IGF1R: variants seen among roughly 807,000 people sequenced by gnomAD.
IGF1R encodes the protein insulin-like growth factor 1 receptor.
IGF1R carries 44 observed loss-of-function variants against 144.6 expected under a neutral mutation model. The observed-to-expected ratio is 0.30, with a 90% CI of 0.24 to 0.39. The LOEUF (loss-of-function observed/expected upper bound fraction) is 0.39, where lower values mean the gene tolerates loss of function less well. Among genes scored for constraint, IGF1R ranks in the 10% least tolerant of loss-of-function variants. The pLI, the probability that IGF1R is intolerant of heterozygous loss-of-function variation, is 1.00. For missense variants in IGF1R, 1,355 were observed against 1,833.7 expected (o/e 0.74, Z 4.77); for synonymous variants, 795 against 722.8 (o/e 1.10, Z -1.60).
chr15:98,760,955 A>G (rs1015340320), intron 2 of IGF1R, among the ~76,000 whole-genome samples: 1 of 152,278 alleles, frequency 6.6e-6, no homozygotes. Context: ...TCAAAGTGAC[A>G]TATATACTGA....
intron 2 of IGF1R, among the ~76,000 whole-genome samples, chr15:98,874,056 A>G (rs1326477332): frequency 2.6e-5 from 4 of 152,166 alleles, no homozygotes; most frequent in Non-Finnish European, 1.5e-5. Context: ...TAGAAATTTC[A>G]AAGGATGGGG....
At chr15:98,930,097 G>A (rs997939728) in intron 14 of IGF1R, 138 bp from the exon 15 acceptor site, 12 of 723,400 alleles carry the variant, frequency 1.7e-5, no homozygotes, top group South Asian at 1.2e-4. Flanking sequence ...AAGAGCTGCT[G>A]TAGACAGTAA....
At chr15:98,915,847 T>G in intron 8 of IGF1R, 117 bp from the exon 9 acceptor site, 1 of 901,166 alleles carries the variant, frequency 1.1e-6, no homozygotes, top group Non-Finnish European at 1.9e-6. Flanking sequence ...TCATTGTTCA[T>G]TGTTATTTTC....
At position 98,960,879 on chromosome 15, in the gene IGF1R, G is replaced by T; in HGVS notation, c.*3437G>T. The T allele has an allele frequency of 8.5e-6, 2 of 233,938 alleles. No individual in the cohort carries two copies. Among genetic ancestry groups the T allele is most frequent in the East Asian group, 1.2e-4 (2 of 16,588 alleles). The allele number at this position is 233,938 out of a possible 1,614,324, so 14.5% of individuals were successfully genotyped here. On this transcript the variant is annotated 3_prime_UTR_variant, in exon 21 of 21. Transcript: ENST00000650285. Reference sequence around the variant, plus strand: ...AACCTTCCGGCTGGAAAGCCCAGTGGCCGGCGCCGAGGCTCGTGGCGTCAC... The same window carrying T: ...AACCTTCCGGCTGGAAAGCCCAGTGTCCGGCGCCGAGGCTCGTGGCGTCAC...
chr15:98,892,239 G>A (rs180864478), intron 3 of IGF1R, among the ~76,000 whole-genome samples: 31 of 152,158 alleles, frequency 2.0e-4, no homozygotes, highest in African/African-American at 7.2e-4. Flanking sequence ...TGAACTTTGA[G>A]ACTTCACTTG....
intron 10 of IGF1R, among the ~76,000 whole-genome samples, chr15:98,920,110 A>G (rs915153299): frequency 2.0e-5 from 3 of 152,226 alleles, no homozygotes; most frequent in African/African-American, 4.8e-5. Context: ...TAAAATGTTG[A>G]CAGATGTTGG....
intron 2 of IGF1R, among the ~76,000 whole-genome samples, chr15:98,810,192 A>C (rs8032769): frequency 0.89 from 134,213 of 151,632 alleles, 60,720 homozygotes; most frequent in Middle Eastern, 0.98. Context: ...TCTCTGAGAA[A>C]CTTGACTGGT....
intron 2 of IGF1R, among the ~76,000 whole-genome samples, chr15:98,858,157 A>T (rs764159669): frequency 6.6e-6 from 1 of 152,242 alleles, no homozygotes; most frequent in Non-Finnish European, 1.5e-5. Context: ...TGGCTATTCA[A>T]AAGCTTTTGT....
intron 10 of IGF1R, 95 bp from the exon 11 acceptor site, chr15:98,922,053 C>G (rs975260167): frequency 7.2e-7 from 1 of 1,391,786 alleles, no homozygotes; most frequent in African/African-American, 1.4e-5. Flanking sequence ...TCCTTCTATT[C>G]CACGGTTAAG....
chr15:98,944,602 C>T (rs1196007944), intron 19 of IGF1R, among the ~76,000 whole-genome samples: 2 of 152,198 alleles, frequency 1.3e-5, no homozygotes, highest in African/African-American at 4.8e-5. Context: ...TTCAGCAGCA[C>T]GAAGCAATGA....
chr15:98,893,946 T>G (rs1319564344), intron 3 of IGF1R, among the ~76,000 whole-genome samples: 1 of 152,258 alleles, frequency 6.6e-6, no homozygotes, highest in Admixed American at 6.5e-5. Flanking sequence ...TTATACCTTC[T>G]CTATACCATA....
intron 5 of IGF1R, among the ~76,000 whole-genome samples, chr15:98,907,369 C>G (rs1391967291): frequency 6.6e-6 from 1 of 151,738 alleles, no homozygotes; most frequent in Non-Finnish European, 1.5e-5. Context: ...GACATAGCCT[C>G]CAGGGCAGAC....
At chr15:98,676,967 G>A (rs745908293) in intron 1 of IGF1R, among the ~76,000 whole-genome samples, 15 of 151,280 alleles carry the variant, frequency 9.9e-5, no homozygotes, top group Non-Finnish European at 2.2e-4. Flanking sequence ...ACAGGGTCTC[G>A]CTCCGTTACC....
chr15:98,909,094 G>A (rs894842291), intron 6 of IGF1R, among the ~76,000 whole-genome samples, 195 bp downstream of exon 6: 3 of 152,114 alleles, frequency 2.0e-5, no homozygotes, highest in Admixed American at 1.3e-4. Context: ...TGATGTATTC[G>A]TATTTATAAA....
chr15:98,758,495 G>A (rs2055213088), intron 2 of IGF1R, among the ~76,000 whole-genome samples: 1 of 152,192 alleles, frequency 6.6e-6, no homozygotes. Flanking sequence ...TGATAAGCCA[G>A]GAAACAGATA....
intron 2 of IGF1R, among the ~76,000 whole-genome samples, chr15:98,714,169 T>C (rs2054060533): frequency 1.4e-5 from 2 of 143,062 alleles, no homozygotes; most frequent in Non-Finnish European, 2.9e-5. Flanking sequence ...GAAGGCAGGT[T>C]GTAGTAAAAA....
chr15:98,745,957 C>T (rs77763063), intron 2 of IGF1R, among the ~76,000 whole-genome samples: 3,913 of 152,254 alleles, frequency 0.026, 170 homozygotes, highest in African/African-American at 0.089. Context: ...GATAGTAATA[C>T]GTTAGAAATA....
At chr15:98,669,566 C>T (rs1402262213) in intron 1 of IGF1R, among the ~76,000 whole-genome samples, 1 of 152,182 alleles carries the variant, frequency 6.6e-6, no homozygotes, top group South Asian at 2.1e-4. Flanking sequence ...GATATCTGGA[C>T]AGGGCATGAC....
At position 98,778,285 on chromosome 15, in the gene IGF1R, A is replaced by G. The variant is rs185609496; in HGVS notation, c.640+70178A>G. On this transcript the variant is annotated intron_variant, in intron 2 of 20. Coordinates refer to ENST00000650285, the MANE Select transcript of IGF1R (RefSeq NM_000875.5). Reference sequence around the variant, plus strand: ...ACTGAGAAGCTTTGAGGCATGTTCTATCTGTCTTTGTGGGCATCATCTTCA... The same window carrying G: ...ACTGAGAAGCTTTGAGGCATGTTCTGTCTGTCTTTGTGGGCATCATCTTCA... Among the ~76,000 whole-genome samples, 45 of 152,292 alleles carry G rather than the reference A, an allele frequency of 3.0e-4. 1 individual carries two copies. Among genetic ancestry groups the G allele is most frequent in the African/African-American group, 9.6e-4 (40 of 41,554 alleles).
Sources: gnomAD v4.1 joint callset for allele counts (sites outside exome capture counted in the v4.1 genomes callset) on GRCh38, gnomAD v4.1.1 for gene constraint, MANE v1.5 for transcripts, NCBI Gene and HGNC (gene_info 2026-07-23, HGNC 2026-07-21) for gene names.